Variants in ZNF407 observed in about 807,000 individuals in gnomAD.
ZNF407 encodes zinc finger protein 407.
Under a neutral mutation model 131.2 loss-of-function variants are expected in ZNF407, and 17 were observed. The ratio of observed to expected loss-of-function variants is 0.13; its 90% CI spans 0.09 to 0.19. ZNF407 has a LOEUF of 0.19. Ranked by LOEUF, ZNF407 falls within the 10% of genes least tolerant of loss-of-function variation. ZNF407 has a pLI of 1.00. For missense variants in ZNF407, 2,681 were observed against 2,830.6 expected, an observed-to-expected ratio of 0.95 and a Z score of 1.20; for synonymous variants, 1,156 against 1,062.0, an observed-to-expected ratio of 1.09 and a Z score of -1.72.
At chr18:74,949,044 C>T (rs1038682186) in intron 8 of ZNF407, among the ~76,000 whole-genome samples, 3 of 152,058 alleles carry the variant, frequency 2.0e-5, no homozygotes, top group African/African-American at 7.2e-5. Flanking sequence ...TGTCCACTTA[C>T]AAAAACAAAC....
At chr18:74,712,553 A>T (rs1016553946) in intron 3 of ZNF407, among the ~76,000 whole-genome samples, 4 of 152,200 alleles carry the variant, frequency 2.6e-5, no homozygotes, top group Non-Finnish European at 5.9e-5. Context: ...TGAGAAACAG[A>T]ATTCATTTTC....
In ZNF407 at chr18:74,634,627, C is replaced by T; in HGVS notation, c.3608C>T (p.Ser1203Leu). Residue 1203 changes from serine (S) to leucine (L), a missense_variant, in exon 2 of 9, where the codon TCA (serine) becomes TTA (leucine). Around this residue, in one of 6 missense-constraint regions of ZNF407, gnomAD observed 1,789 missense variants for 1,748.7 expected, o/e 1.02. Transcript: ENST00000299687. ...GSPSRFQNEN[S>L]GSSALNCETA... The stretch of plus-strand genomic sequence containing the variant: ...CCAAGCAGATTTCAAAATGAAAATT[C>T]AGGAAGCTCTGCCTTAAATTGTGAG... 3 of 1,613,926 alleles carry T rather than the reference C, an allele frequency of 1.9e-6. No homozygotes were observed. Among genetic ancestry groups the T allele is most frequent in the East Asian group, 2.2e-5 (1 of 44,880 alleles).
chr18:74,637,001 A>G (rs1240060787), intron 2 of ZNF407, among the ~76,000 whole-genome samples: 1 of 152,230 alleles, frequency 6.6e-6, no homozygotes, highest in Non-Finnish European at 1.5e-5. Flanking sequence ...TAAAACTAAG[A>G]GGAAGATGCT....
chr18:74,766,035 GT>G (rs1969223180), intron 3 of ZNF407, among the ~76,000 whole-genome samples: 1 of 147,432 alleles, frequency 6.8e-6, no homozygotes, highest in Admixed American at 6.7e-5. Context: ...GTGTGTGTGT[GT>G]GTGTGTGTGT....
chr18:74,815,837 GTATTGATAGGTTATTAC>G (rs1233959650), intron 4 of ZNF407, among the ~76,000 whole-genome samples: 1 of 152,082 alleles, frequency 6.6e-6, no homozygotes, highest in Non-Finnish European at 1.5e-5. Context: ...CTACTTAATT[GTATTGATAGGTTATTAC>G]TGCGAAAGTA....
intron 1 of ZNF407, among the ~76,000 whole-genome samples, chr18:74,611,860 C>G (rs1983072076): frequency 6.6e-6 from 1 of 152,196 alleles, no homozygotes; most frequent in Admixed American, 6.5e-5. Context: ...ACTGTCAAGC[C>G]CTGTAGGGAA....
intron 3 of ZNF407, among the ~76,000 whole-genome samples, chr18:74,731,537 A>C (rs1968294345): frequency 6.6e-6 from 1 of 152,226 alleles, no homozygotes; most frequent in Non-Finnish European, 1.5e-5. Flanking sequence ...AATGAAATGC[A>C]AACACATTTT....
intron 8 of ZNF407, among the ~76,000 whole-genome samples, chr18:75,005,657 T>C (rs1972899799): frequency 6.6e-6 from 1 of 151,858 alleles, no homozygotes; most frequent in African/African-American, 2.4e-5. Flanking sequence ...ACTTAAATTC[T>C]TGTCTCCTCA....
intron 3 of ZNF407, among the ~76,000 whole-genome samples, chr18:74,726,030 A>T (rs189671230): frequency 6.6e-6 from 1 of 152,292 alleles, no homozygotes; most frequent in Non-Finnish European, 1.5e-5. Flanking sequence ...CTGTAGACAC[A>T]TTGTGCCCAG....
chr18:74,607,724 A>C (rs540072485), intron 1 of ZNF407, among the ~76,000 whole-genome samples: 35 of 147,396 alleles, frequency 2.4e-4, no homozygotes, highest in Non-Finnish European at 4.8e-4. Context: ...TGTGTACTTA[A>C]ATAATCCCTT....
intron 7 of ZNF407, among the ~76,000 whole-genome samples, chr18:74,910,586 A>G (rs1224352261): frequency 6.6e-6 from 1 of 152,094 alleles, no homozygotes; most frequent in Non-Finnish European, 1.5e-5. Flanking sequence ...TTTATTGTGA[A>G]GCCTCTTTAA....
At chr18:74,823,340 G>A (rs1293422992) in intron 4 of ZNF407, among the ~76,000 whole-genome samples, 1 of 152,166 alleles carries the variant, frequency 6.6e-6, no homozygotes, top group African/African-American at 2.4e-5. Context: ...CATTATGACA[G>A]GATCAAATTC....
intron 7 of ZNF407, among the ~76,000 whole-genome samples, chr18:74,904,974 G>A (rs568479047): frequency 2.4e-4 from 37 of 152,314 alleles, no homozygotes; most frequent in African/African-American, 7.7e-4. Flanking sequence ...AAGGGCAGAC[G>A]CAGCAGTCCT....
At chr18:74,973,637 GC>G (rs1262752288) in intron 8 of ZNF407, among the ~76,000 whole-genome samples, 59 of 152,192 alleles carry the variant, frequency 3.9e-4, no homozygotes, top group Admixed American at 3.5e-3. Flanking sequence ...GTCTGCACAG[GC>G]CGCCATAACA....
chr18:74,832,015 C>A (rs1227344012), intron 4 of ZNF407, among the ~76,000 whole-genome samples: 1 of 152,190 alleles, frequency 6.6e-6, no homozygotes, highest in Non-Finnish European at 1.5e-5. Context: ...TAACATGAAG[C>A]CTTGGCGCTG....
chr18:74,720,913 T>G (rs1170238143), intron 3 of ZNF407, among the ~76,000 whole-genome samples: 2 of 141,620 alleles, frequency 1.4e-5, no homozygotes, highest in Non-Finnish European at 3.0e-5. Context: ...AGTCTGGTAG[T>G]GCGATACCTT....
At chr18:74,794,550 G>A (rs1397617025) in intron 4 of ZNF407, among the ~76,000 whole-genome samples, 5 of 151,816 alleles carry the variant, frequency 3.3e-5, no homozygotes, top group South Asian at 2.1e-4. Context: ...CTAACGCTAC[G>A]TTGCTTATTG....
intron 3 of ZNF407, among the ~76,000 whole-genome samples, chr18:74,740,812 T>C (rs936791367): frequency 2.0e-5 from 3 of 152,158 alleles, no homozygotes; most frequent in African/African-American, 7.2e-5. Context: ...AAGTAGTTAC[T>C]AGACCAGGGT....
intron 1 of ZNF407, among the ~76,000 whole-genome samples, chr18:74,629,403 A>G (rs977787462): frequency 2.0e-5 from 3 of 152,194 alleles, no homozygotes; most frequent in Admixed American, 6.5e-5. Flanking sequence ...TTATCTTACT[A>G]TTGAGAATAA....
Sources: allele counts gnomAD v4.1 joint callset (sites outside exome capture counted in the v4.1 genomes callset), GRCh38; gene constraint gnomAD v4.1.1; regional missense constraint gnomAD v4.1.1; transcripts MANE v1.5; gene names NCBI Gene and HGNC (gene_info 2026-07-23, HGNC 2026-07-21).